Variants in SNAP25 observed in about 807,000 individuals in gnomAD.
SNAP25 encodes synaptosome associated protein 25.
A neutral mutation model predicts 28.7 loss-of-function variants in SNAP25; 3 were observed. The observed-to-expected ratio is 0.10, with a 90% confidence interval of 0.05 to 0.27. SNAP25 has a LOEUF of 0.27. Among genes scored for constraint, SNAP25 ranks in the 10% least tolerant of loss-of-function variants. The probability of loss-of-function intolerance (pLI) is 1.00; values close to 1 mark genes in which losing one functional copy is unlikely to be tolerated. For missense variants in SNAP25, 117 were observed against 278.7 expected (o/e 0.42, Z 4.13); for synonymous variants, 61 against 88.1 (o/e 0.69, Z 1.72).
chr20:10,242,062 G>A (rs2063043906), intron 1 of SNAP25, among the ~76,000 whole-genome samples: 1 of 152,156 alleles, frequency 6.6e-6, no homozygotes, highest in Admixed American at 6.5e-5. Context: ...GCGCACCATG[G>A]GAGCTGCTGG....
intron 1 of SNAP25, among the ~76,000 whole-genome samples, chr20:10,274,238 G>T (rs1304867120): frequency 6.6e-6 from 1 of 152,060 alleles, no homozygotes; most frequent in Non-Finnish European, 1.5e-5. Flanking sequence ...GAAATGGACT[G>T]GTCACCTTTC....
At chr20:10,267,250 G>A (rs899370332) in intron 1 of SNAP25, among the ~76,000 whole-genome samples, 3 of 152,020 alleles carry the variant, frequency 2.0e-5, no homozygotes, top group African/African-American at 7.2e-5. Flanking sequence ...AACACATAGA[G>A]CACAATTTAT....
chr20:10,269,332 G>T (rs1158214373), intron 1 of SNAP25, among the ~76,000 whole-genome samples: 1 of 152,160 alleles, frequency 6.6e-6, no homozygotes, highest in African/African-American at 2.4e-5. Flanking sequence ...AACCCGGGAG[G>T]TGGAGGTTGC....
chr20:10,290,647 CAAA>C (rs61495689), intron 4 of SNAP25, among the ~76,000 whole-genome samples: 5 of 145,676 alleles, frequency 3.4e-5, no homozygotes, highest in Admixed American at 1.4e-4. Context: ...ATATTTTGGC[CAAA>C]AAAAAAAAAA....
intron 6 of SNAP25, among the ~76,000 whole-genome samples, chr20:10,298,214 G>A (rs112196929): frequency 0.029 from 4,365 of 150,424 alleles, 215 homozygotes; most frequent in African/African-American, 0.1. Context: ...CTCCTCAGGT[G>A]ATTCTGATAT....
intron 4 of SNAP25, among the ~76,000 whole-genome samples, chr20:10,289,566 T>A (rs1361510047): frequency 6.6e-6 from 1 of 151,698 alleles, no homozygotes; most frequent in East Asian, 1.9e-4. Flanking sequence ...CACCAATATC[T>A]GTTATGAATG....
At chr20:10,239,849 G>A (rs963289592) in intron 1 of SNAP25, among the ~76,000 whole-genome samples, 2 of 152,166 alleles carry the variant, frequency 1.3e-5, no homozygotes, top group African/African-American at 4.8e-5. Context: ...ACAAGACAGG[G>A]TAGAAGCCCC....
chr20:10,250,608 C>T (rs1367856022), intron 1 of SNAP25, among the ~76,000 whole-genome samples: 2 of 152,176 alleles, frequency 1.3e-5, no homozygotes, highest in Non-Finnish European at 2.9e-5. Flanking sequence ...TTTTAAATTA[C>T]TCATTGGACT....
intron 3 of SNAP25, among the ~76,000 whole-genome samples, chr20:10,279,994 A>G (rs1270054840): frequency 6.6e-6 from 1 of 152,218 alleles, no homozygotes; most frequent in Admixed American, 6.5e-5. Context: ...ATCTGCATTA[A>G]ATATTCATCA....
At chr20:10,247,365 G>A (rs768467756) in intron 1 of SNAP25, among the ~76,000 whole-genome samples, 7 of 151,828 alleles carry the variant, frequency 4.6e-5, no homozygotes, top group Non-Finnish European at 1.0e-4. Flanking sequence ...ATGAGATGAC[G>A]AGATTTTATT....
chr20:10,280,137 G>A (rs1380172985), intron 3 of SNAP25, among the ~76,000 whole-genome samples: 2 of 152,164 alleles, frequency 1.3e-5, no homozygotes, highest in African/African-American at 2.4e-5. Flanking sequence ...GACAGGAAAG[G>A]TTACTAAACT....
chr20:10,288,554 C>T (rs371485615), intron 4 of SNAP25, among the ~76,000 whole-genome samples: 32 of 152,176 alleles, frequency 2.1e-4, no homozygotes, highest in South Asian at 1.2e-3. Context: ...TACTATTCTC[C>T]GAGAAACAAA....
At chr20:10,244,241 A>G (rs545169342) in intron 1 of SNAP25, among the ~76,000 whole-genome samples, 1 of 152,332 alleles carries the variant, frequency 6.6e-6, no homozygotes, top group South Asian at 2.1e-4. Context: ...GACCTTGTGT[A>G]TCTGATCTCT....
At chr20:10,231,521 T>C (rs1474260510) in intron 1 of SNAP25, 1 of 152,256 alleles carries the variant, frequency 6.6e-6, no homozygotes, top group African/African-American at 2.4e-5. Context: ...TTCTCTCTGG[T>C]GCAGGTCCAA....
intron 6 of SNAP25, among the ~76,000 whole-genome samples, chr20:10,298,859 T>C (rs2064169647): frequency 6.6e-6 from 1 of 152,182 alleles, no homozygotes; most frequent in African/African-American, 2.4e-5. Context: ...GAGACTTAAT[T>C]TGAGTCTTAG....
intron 1 of SNAP25, among the ~76,000 whole-genome samples, chr20:10,230,584 G>A (rs182057754): frequency 6.6e-6 from 1 of 152,264 alleles, no homozygotes. Context: ...TCTAGGGCGA[G>A]ACCCAGTAAC....
chr20:10,224,038 T>G (rs1231324828), intron 1 of SNAP25, among the ~76,000 whole-genome samples: 1 of 152,138 alleles, frequency 6.6e-6, no homozygotes, highest in Non-Finnish European at 1.5e-5. Context: ...CACTGTATCC[T>G]CCTAACAACC....
chr20:10,266,328 C>A (rs929452597), intron 1 of SNAP25, among the ~76,000 whole-genome samples: 1 of 152,202 alleles, frequency 6.6e-6, no homozygotes, highest in African/African-American at 2.4e-5. Context: ...CAAGAAATTT[C>A]ATCCAGTGAA....
At chr20:10,266,752 A>G (rs2063513355) in intron 1 of SNAP25, among the ~76,000 whole-genome samples, 1 of 152,240 alleles carries the variant, frequency 6.6e-6, no homozygotes. Flanking sequence ...ATGACAACAC[A>G]GCTGCAAAAT....
Sources: allele counts gnomAD v4.1 joint callset (sites outside exome capture counted in the v4.1 genomes callset), GRCh38; gene constraint gnomAD v4.1.1; transcripts MANE v1.5; gene names NCBI Gene and HGNC (gene_info 2026-07-23, HGNC 2026-07-21).